SPRR2G: variants seen among roughly 807,000 people sequenced by gnomAD.
SPRR2G encodes small proline rich protein 2G.
SPRR2G carries 1 observed loss-of-function variant against 0.7 expected under a neutral mutation model. That is an observed-to-expected ratio of 1.49 (90% CI 0.53 to 7.06). The LOEUF (loss-of-function observed/expected upper bound fraction) is 7.06. Among genes scored for constraint, SPRR2G ranks in the 30% most tolerant of loss-of-function variants. The probability of loss-of-function intolerance (pLI) is 0.14; values close to 1 mark genes in which losing one functional copy is unlikely to be tolerated. For synonymous variants in SPRR2G, 38 were observed against 33.9 expected (o/e 1.12, Z -0.42); for missense variants, 96 against 88.5 (o/e 1.09, Z -0.34).
Position 153,149,931 on chromosome 1 carries a change from T to C in SPRR2G, c.180A>G (p.Pro60=), listed in dbSNP as rs775864247. ...PCQDKCPPVQ[P]YPPCQQKYPP... is the part of the protein sequence containing the mutation. ...GATACTTCTGCTGGCAGGGTGGGTA[T>C]GGTTGCACAGGAGGGCATTTATCCT... Residue 60 remains proline (P), a synonymous_variant, in exon 2 of 2, where the codon CCA becomes CCG. Transcript: ENST00000368748. 9.3e-6 allele frequency: 15 copies of C among 1,614,028 alleles called. No homozygotes were observed. Among genetic ancestry groups the C allele is most frequent in the Non-Finnish European group, 1.3e-5 (15 of 1,180,002 alleles).
At chr1:153,173,640 G>A in the SPRR2G span, among the ~76,000 whole-genome samples, 1 of 152,138 alleles carries the variant, frequency 6.6e-6, no homozygotes, top group Admixed American at 6.5e-5. Flanking sequence ...TCCTTGGTTG[G>A]ACTGAAATGT....
the SPRR2G span, among the ~76,000 whole-genome samples, chr1:153,164,496 T>C: frequency 6.6e-6 from 1 of 152,194 alleles, no homozygotes; most frequent in South Asian, 2.1e-4. Context: ...TTTAAAATAA[T>C]TTGAGTACCA....
At chr1:153,155,884 G>A (rs545799039), upstream of SPRR2G, among the ~76,000 whole-genome samples, 1 of 152,158 alleles carries the variant, frequency 6.6e-6, no homozygotes, top group South Asian at 2.1e-4. Context: ...CCTCCTATTA[G>A]GGCAGGTGAC....
the SPRR2G span, among the ~76,000 whole-genome samples, chr1:153,163,630 T>TA: frequency 1.3e-5 from 2 of 152,162 alleles, no homozygotes; most frequent in African/African-American, 4.8e-5. Context: ...TCAATCCTCT[T>TA]AACCTTGGCA....
At chr1:153,191,958 T>C in the SPRR2G span, among the ~76,000 whole-genome samples, 1 of 152,202 alleles carries the variant, frequency 6.6e-6, no homozygotes, top group African/African-American at 2.4e-5. Flanking sequence ...TTCTGTACCA[T>C]TATTCAACAA....
At chr1:153,175,422 T>C in the SPRR2G span, among the ~76,000 whole-genome samples, 2 of 152,200 alleles carry the variant, frequency 1.3e-5, no homozygotes, top group Non-Finnish European at 2.9e-5. Context: ...AACGCTCCTC[T>C]CCCTGGGTTT....
At chr1:153,176,436 AAGACAGACTTGGAAACTTTTATCCT>A in the SPRR2G span, 1 of 152,308 alleles carries the variant, frequency 6.6e-6, no homozygotes, top group East Asian at 1.9e-4. Context: ...TGGCATGAAT[AAGACAGACTTGGAAACTTTTATCCT>A]AGATAAAACT....
At chr1:153,186,496 G>C in the SPRR2G span, among the ~76,000 whole-genome samples, 3 of 151,952 alleles carry the variant, frequency 2.0e-5, no homozygotes, top group Admixed American at 2.0e-4. Flanking sequence ...TTTGACCTTT[G>C]TTGGTTTAAA....
At chr1:153,184,070 T>C in the SPRR2G span, among the ~76,000 whole-genome samples, 3 of 152,184 alleles carry the variant, frequency 2.0e-5, no homozygotes, top group Non-Finnish European at 2.9e-5. Flanking sequence ...TCTGTTCTAT[T>C]GGTCTATATA....
chr1:153,191,034 C>G, the SPRR2G span: 1 of 152,160 alleles, frequency 6.6e-6, no homozygotes, highest in Non-Finnish European at 1.5e-5. Flanking sequence ...TTGGAAGGAC[C>G]CTAGAGGCAA....
the SPRR2G span, among the ~76,000 whole-genome samples, chr1:153,158,580 A>G: frequency 2.0e-5 from 3 of 152,120 alleles, no homozygotes; most frequent in Non-Finnish European, 4.4e-5. Flanking sequence ...CTGTCAGTGG[A>G]TCTACCTTTC....
chr1:153,174,554 A>G, the SPRR2G span: 1 of 152,426 alleles, frequency 6.6e-6, no homozygotes, highest in African/African-American at 2.4e-5. Flanking sequence ...TGTCTTCTGC[A>G]AGGAGACCCT....
chr1:153,182,802 G>A, the SPRR2G span, among the ~76,000 whole-genome samples: 63 of 152,248 alleles, frequency 4.1e-4, no homozygotes, highest in African/African-American at 1.4e-3. Flanking sequence ...GGGCATTTGG[G>A]TTGGTTCCAA....
the SPRR2G span, among the ~76,000 whole-genome samples, chr1:153,189,493 T>C: frequency 1.3e-5 from 2 of 152,072 alleles, no homozygotes; most frequent in East Asian, 1.9e-4. Flanking sequence ...AATGAACTTA[T>C]AAGAGCTGTC....
At chr1:153,161,490 T>C in the SPRR2G span, among the ~76,000 whole-genome samples, 14 of 151,588 alleles carry the variant, frequency 9.2e-5, 4 homozygotes, top group Admixed American at 7.2e-4. Context: ...ATCACATGTA[T>C]GGTTTGCAAA....
In SPRR2G at chr1:153,149,999, G is replaced by T. The variant is rs1656426685; in HGVS notation, c.112C>A (p.Pro38Thr). 1.2e-6 allele frequency: 2 copies of T among 1,613,984 alleles called. No homozygotes were observed. Among genetic ancestry groups the T allele is most frequent in the Non-Finnish European group, 1.7e-6 (2 of 1,179,984 alleles). The change falls in exon 2 of 2, where the codon CCT becomes ACT. Residue 38 changes from proline to threonine, a missense_variant. Transcript: ENST00000368748. ...CAATGCTCAGGTGGACAAGGAGGAG[G>T]CAGGTAAGGCTCAGGGCACTTCGGG... is the stretch of plus-strand genomic sequence containing the variant. Reference protein sequence around the residue: ...PPPKCPEPYLPPPCPPEHCPP... With the variant: ...PPPKCPEPYLTPPCPPEHCPP...
At chr1:153,201,821 G>A in the SPRR2G span, among the ~76,000 whole-genome samples, 1 of 152,134 alleles carries the variant, frequency 6.6e-6, no homozygotes, top group East Asian at 1.9e-4. Flanking sequence ...TGAACTGAAG[G>A]CCTCAGGTCT....
the SPRR2G span, among the ~76,000 whole-genome samples, chr1:153,163,482 C>T: frequency 1.3e-5 from 2 of 152,112 alleles, no homozygotes; most frequent in Admixed American, 1.3e-4. Flanking sequence ...ATTTGGGGCT[C>T]CTATATTTGG....
chr1:153,193,939 A>G, the SPRR2G span, among the ~76,000 whole-genome samples: 2 of 152,154 alleles, frequency 1.3e-5, no homozygotes, highest in African/African-American at 4.8e-5. Flanking sequence ...CCTGGCCACC[A>G]TGCTCCAGCC....
Sources: allele counts gnomAD v4.1 joint callset (sites outside exome capture counted in the v4.1 genomes callset), GRCh38; gene constraint gnomAD v4.1.1; transcripts MANE v1.5; gene names NCBI Gene and HGNC (gene_info 2026-07-23, HGNC 2026-07-21).